BCKDHB: variants seen among roughly 807,000 people sequenced by gnomAD.
The protein encoded by BCKDHB is branched chain keto acid dehydrogenase E1 subunit beta.
BCKDHB carries 41 observed loss-of-function variants against 48.5 expected under a neutral mutation model. The observed-to-expected ratio is 0.85, with a 90% CI of 0.66 to 1.10. The LOEUF (loss-of-function observed/expected upper bound fraction) is 1.10. BCKDHB is among the 50% of genes least tolerant of loss of function. The pLI is 0.00. For synonymous variants in BCKDHB, 201 were observed against 174.8 expected (o/e 1.15, Z -1.18); for missense variants, 496 against 494.2 (o/e 1.00, Z -0.03).
chr6:80,130,136 T>C (rs1770556236), intron 3 of BCKDHB, among the ~76,000 whole-genome samples: 1 of 151,900 alleles, frequency 6.6e-6, no homozygotes, highest in Non-Finnish European at 1.5e-5. Context: ...TCTTCTGACT[T>C]GCAGTGTAAG....
intron 8 of BCKDHB, among the ~76,000 whole-genome samples, chr6:80,253,554 T>C (rs1776918544): frequency 6.6e-6 from 1 of 152,146 alleles, no homozygotes; most frequent in Admixed American, 6.6e-5. Flanking sequence ...GATAACATTT[T>C]ATCTTACTAG....
chr6:80,449,803 T>C, the BCKDHB span, among the ~76,000 whole-genome samples: 10 of 152,328 alleles, frequency 6.6e-5, no homozygotes, highest in South Asian at 2.1e-3. Context: ...TAATGTTCTG[T>C]CATCAACAAG....
intron 8 of BCKDHB, among the ~76,000 whole-genome samples, chr6:80,258,266 A>G (rs1777142508): frequency 6.6e-6 from 1 of 152,188 alleles, no homozygotes; most frequent in Admixed American, 6.5e-5. Context: ...TTCTGTTTTC[A>G]CCTGTTCCTC....
the BCKDHB span, among the ~76,000 whole-genome samples, chr6:80,430,204 A>G: frequency 6.6e-6 from 1 of 152,214 alleles, no homozygotes; most frequent in East Asian, 1.9e-4. Flanking sequence ...CTTGCGTCCC[A>G]GGTATGAAGC....
chr6:80,452,220 C>T, the BCKDHB span, among the ~76,000 whole-genome samples: 5 of 152,132 alleles, frequency 3.3e-5, no homozygotes, highest in Non-Finnish European at 5.9e-5. Flanking sequence ...TATAGTGTGT[C>T]GTAGGACCAA....
At chr6:80,432,691 A>G in the BCKDHB span, among the ~76,000 whole-genome samples, 2 of 151,590 alleles carry the variant, frequency 1.3e-5, no homozygotes, top group South Asian at 4.2e-4. Context: ...AATTCATCCA[A>G]CTCATTCTCA....
chr6:80,211,440 C>G (rs927236162), intron 8 of BCKDHB, among the ~76,000 whole-genome samples: 1 of 152,152 alleles, frequency 6.6e-6, no homozygotes, highest in African/African-American at 2.4e-5. Context: ...CATTTCTCTC[C>G]TGGGTTTTGG....
chr6:80,201,709 A>G (rs543081185), intron 7 of BCKDHB, among the ~76,000 whole-genome samples: 5 of 150,912 alleles, frequency 3.3e-5, no homozygotes, highest in East Asian at 1.9e-4. Context: ...GATCCACTTC[A>G]TTTTCCCCCC....
chr6:80,320,940 A>G (rs1768684325), intron 9 of BCKDHB, among the ~76,000 whole-genome samples: 2 of 152,206 alleles, frequency 1.3e-5, no homozygotes, highest in Admixed American at 1.3e-4. Flanking sequence ...CATAAAAATG[A>G]GATATTTTCT....
At chr6:80,181,571 AT>A (rs1773414389) in intron 6 of BCKDHB, among the ~76,000 whole-genome samples, 1 of 151,952 alleles carries the variant, frequency 6.6e-6, no homozygotes, top group Non-Finnish European at 1.5e-5. Context: ...TGTGGGTTGG[AT>A]TTGCTGATTT....
rs144751129 is a variant in BCKDHB at position 80,345,946 on chromosome 6, A to G, written c.*2142A>G. On this transcript the variant is annotated 3_prime_UTR_variant, in exon 10 of 10. Transcript: ENST00000320393. ...ATTTAAGAAAATAGTCATGTATGCA[A>G]TTGAGAAAGTCTATAATTTATTTTA... The G allele has an allele frequency of 2.0e-5, 3 of 152,344 alleles. No homozygotes were observed. Among genetic ancestry groups the G allele is most frequent in the East Asian group, 3.9e-4 (2 of 5,192 alleles). 9.4% of individuals were successfully genotyped at this position (152,344 alleles called of 1,614,324 possible). A position where few individuals can be genotyped will look rare whatever the true frequency, so the allele number is the denominator to read the frequency against.
chr6:80,277,099 A>G (rs563150326), intron 9 of BCKDHB, among the ~76,000 whole-genome samples: 1 of 152,052 alleles, frequency 6.6e-6, no homozygotes, highest in Non-Finnish European at 1.5e-5. Flanking sequence ...TTTACTTGAC[A>G]CATACTATAA....
chr6:80,168,944 C>T lies in BCKDHB; in HGVS notation c.547C>T (p.Arg183Trp), dbSNP rs149766077. ...TTTTAACTGTGGAAGCCTCACTATC[C>T]GGTCCCCTTGGGGCTGTGTTGGTCA... Reference protein sequence around the residue: ...DLFNCGSLTIRSPWGCVGHGA... With the variant: ...DLFNCGSLTIWSPWGCVGHGA... The change falls in exon 5 of 10, where the codon CGG (arginine) becomes TGG (tryptophan). Residue 183 changes from arginine to tryptophan, a missense_variant. Physicochemically the swap from Arg to Trp is moderately radical, Grantham distance 101. Coordinates refer to ENST00000320393, the MANE Select transcript of BCKDHB (RefSeq NM_183050.4). 3.5e-5 allele frequency: 56 copies of T among 1,614,124 alleles called. No homozygotes were observed. Among genetic ancestry groups the T allele is most frequent in the South Asian group, 4.4e-5 (4 of 91,078 alleles).
chr6:80,223,947 A>T (rs1365088995), intron 8 of BCKDHB, among the ~76,000 whole-genome samples: 1 of 152,184 alleles, frequency 6.6e-6, no homozygotes, highest in African/African-American at 2.4e-5. Context: ...AGAAGAATAG[A>T]TGGTTGGAAA....
chr6:80,455,924 C>T, the BCKDHB span, among the ~76,000 whole-genome samples: 1 of 152,060 alleles, frequency 6.6e-6, no homozygotes, highest in African/African-American at 2.4e-5. Flanking sequence ...AGTAACCGTT[C>T]TTTTAAATAA....
chr6:80,200,914 T>G lies in BCKDHB; in HGVS notation c.743-20T>G. ...CCTCAGAAAAAATGTCCTTTTTTTT[T>G]TTTCCTGTTCTGTATTTAGCGGAAG... is the stretch of plus-strand genomic sequence containing the variant. On this transcript the variant is annotated intron_variant, in intron 6 of 9. Transcript: ENST00000320393. 6.4e-7 allele frequency: 1 copy of G among 1,570,460 alleles called. No individual in the cohort carries two copies. The highest frequency in any genetic ancestry group is 8.8e-7 in the Non-Finnish European group (1 of 1,141,070).
chr6:80,438,986 A>G, the BCKDHB span, among the ~76,000 whole-genome samples: 1 of 152,188 alleles, frequency 6.6e-6, no homozygotes, highest in South Asian at 2.1e-4. Context: ...GATCAGCTAT[A>G]TGCAGTCATT....
the BCKDHB span, among the ~76,000 whole-genome samples, chr6:80,396,113 C>G: frequency 6.6e-6 from 1 of 152,210 alleles, no homozygotes; most frequent in Non-Finnish European, 1.5e-5. Flanking sequence ...GTGGTTGGAG[C>G]TCCCACACAG....
chr6:80,260,008 G>T (rs996390495), intron 8 of BCKDHB, among the ~76,000 whole-genome samples: 1 of 151,960 alleles, frequency 6.6e-6, no homozygotes. Context: ...TTTTGTATTG[G>T]TCCTGAATTA....
Sources: allele counts gnomAD v4.1 joint callset (sites outside exome capture counted in the v4.1 genomes callset), GRCh38; gene constraint gnomAD v4.1.1; transcripts MANE v1.5; gene names NCBI Gene and HGNC (gene_info 2026-07-23, HGNC 2026-07-21).